CLTB: variants seen among roughly 807,000 people sequenced by gnomAD.
The protein encoded by CLTB is clathrin light chain B.
A neutral mutation model predicts 30.5 loss-of-function variants in CLTB; 10 were observed. That is an observed-to-expected ratio of 0.33 (90% confidence interval 0.20 to 0.56). The LOEUF (loss-of-function observed/expected upper bound fraction) is 0.56, where lower values mean the gene tolerates loss of function less well. Ranked by LOEUF, CLTB falls within the 20% of genes least tolerant of loss-of-function variation. The pLI is 0.91. For missense variants in CLTB, 261 were observed against 308.3 expected, an observed-to-expected ratio of 0.85 and a Z score of 1.15; for synonymous variants, 102 against 120.3, an observed-to-expected ratio of 0.85 and a Z score of 1.00.
intron 2 of CLTB, among the ~76,000 whole-genome samples, chr5:176,405,222 G>A (rs934493160): frequency 6.6e-6 from 1 of 152,104 alleles, no homozygotes; most frequent in African/African-American, 2.4e-5. Flanking sequence ...AGGTGCAGCG[G>A]CTCACACCTG....
Position 176,393,010 on chromosome 5 carries a change from A to G in CLTB, c.519-65T>C. The G allele has an allele frequency of 6.3e-7, 1 of 1,590,576 alleles. No individual in the cohort carries two copies. Among genetic ancestry groups the G allele is most frequent in the Non-Finnish European group, 8.6e-7 (1 of 1,160,866 alleles). ...TTTCCCCCAGCCTTGCCCTTGAGCA[A>G]GGCTGCTTTGCCCAGCCTACTCTGG... On this transcript the variant is annotated intron_variant, in intron 5 of 5. Coordinates refer to ENST00000310418, the MANE Select transcript of CLTB (RefSeq NM_007097.5). The surrounding 1 kb of genome is among the most constrained non-coding windows in gnomAD (Gnocchi z 4.4).
At chr5:176,396,617 A>G (rs1388410617) in intron 4 of CLTB, 85 bp from the exon 5 acceptor site, 1 of 960,556 alleles carries the variant, frequency 1.0e-6, no homozygotes, top group Non-Finnish European at 1.7e-6. Flanking sequence ...AGAGAGAGAG[A>G]GAGAGACAGC....
At chr5:176,405,959 G>T in intron 2 of CLTB, 1 of 166,316 alleles carries the variant, frequency 6.0e-6, no homozygotes, top group Non-Finnish European at 1.2e-5. Flanking sequence ...TTCCGGTGTG[G>T]CAGGGCCCCA....
intron 1 of CLTB, among the ~76,000 whole-genome samples, chr5:176,415,056 T>C (rs1489404856): frequency 6.6e-6 from 1 of 152,238 alleles, no homozygotes; most frequent in Non-Finnish European, 1.5e-5. Context: ...AAACCTGTTT[T>C]GGATGTACCC....
chr5:176,399,722 C>T (rs1426163108), intron 2 of CLTB, among the ~76,000 whole-genome samples: 3 of 151,800 alleles, frequency 2.0e-5, no homozygotes, highest in South Asian at 2.1e-4. Flanking sequence ...GGCGAAACCC[C>T]GTCTCTACTA....
At chr5:176,413,024 A>G (rs1308070442) in intron 1 of CLTB, among the ~76,000 whole-genome samples, 1 of 152,092 alleles carries the variant, frequency 6.6e-6, no homozygotes, top group East Asian at 1.9e-4. Context: ...GTCTACCCTG[A>G]CCTTCAGAAA....
intron 2 of CLTB, 140 bp downstream of exon 2, chr5:176,410,117 C>A: frequency 1.4e-6 from 1 of 722,950 alleles, no homozygotes; most frequent in East Asian, 2.7e-5. Flanking sequence ...TTCCAAAAAC[C>A]TTTCTCTATG....
intron 1 of CLTB, 58 bp downstream of exon 1, chr5:176,416,119 G>A (rs1023520699): frequency 5.6e-6 from 8 of 1,425,724 alleles, no homozygotes; most frequent in Admixed American, 3.2e-5. Flanking sequence ...CCTGGGCCCC[G>A]GCCGGGGTCC....
intron 1 of CLTB, among the ~76,000 whole-genome samples, chr5:176,414,756 G>C (rs1231465817): frequency 6.6e-6 from 1 of 152,164 alleles, no homozygotes; most frequent in African/African-American, 2.4e-5. Flanking sequence ...AAGATACTCA[G>C]ATTCTCTGGG....
intron 2 of CLTB, among the ~76,000 whole-genome samples, chr5:176,408,931 A>G (rs911097190): frequency 1.0e-4 from 15 of 150,260 alleles, no homozygotes; most frequent in African/African-American, 3.2e-4. Flanking sequence ...GGGGCTAACC[A>G]TTGTTAACAG....
rs1368169023 is a variant in CLTB, at chr5:176,416,220, G to A, written c.144C>T (p.Ala48=). 4 of 1,598,384 alleles carry A rather than the reference G, an allele frequency of 2.5e-6. No individual in the cohort carries two copies. Among genetic ancestry groups the A allele is most frequent in the South Asian group, 2.2e-5 (2 of 89,854 alleles). ...IENDEGFGAP[A]GSHAAPAQPG... ...GCTGCGCGGGGGCCGCATGGCTGCC[G>A]GCAGGTGCCCCGAAGCCCTCGTCGT... is the stretch of plus-strand genomic sequence containing the variant. Residue 48 remains alanine, a synonymous_variant, in exon 1 of 6, where the codon GCC becomes GCT. Coordinates refer to ENST00000310418, the MANE Select transcript of CLTB (RefSeq NM_007097.5).
chr5:176,401,450 G>GT (rs1357489920), intron 2 of CLTB, among the ~76,000 whole-genome samples: 3 of 152,208 alleles, frequency 2.0e-5, no homozygotes, highest in Non-Finnish European at 4.4e-5. Context: ...CCATGTGGGT[G>GT]TTTTGACAGG....
chr5:176,407,042 A>T (rs1581440597), intron 2 of CLTB, among the ~76,000 whole-genome samples: 1 of 152,292 alleles, frequency 6.6e-6, no homozygotes, highest in East Asian at 1.9e-4. Context: ...TATGATTTAC[A>T]AATAAACACA....
intron 1 of CLTB, 75 bp from the exon 2 acceptor site, chr5:176,410,378 C>T (rs1419573708): frequency 1.6e-6 from 2 of 1,283,626 alleles, no homozygotes; most frequent in East Asian, 4.8e-5. Flanking sequence ...TACATTAGCC[C>T]CTCAACCCAA....
intron 1 of CLTB, among the ~76,000 whole-genome samples, chr5:176,413,101 A>G (rs933595328): frequency 6.6e-6 from 1 of 152,096 alleles, no homozygotes; most frequent in African/African-American, 2.4e-5. Context: ...AAGAGTCCAC[A>G]CACACCTACA....
intron 2 of CLTB, among the ~76,000 whole-genome samples, chr5:176,402,097 G>A (rs1756850540): frequency 6.6e-6 from 1 of 152,200 alleles, no homozygotes; most frequent in South Asian, 2.1e-4. Context: ...GAGCTCAGGA[G>A]TTCGAGACCA....
chr5:176,394,552 T>C (rs1446078991), intron 5 of CLTB, among the ~76,000 whole-genome samples: 2 of 151,824 alleles, frequency 1.3e-5, no homozygotes, highest in Non-Finnish European at 2.9e-5. Context: ...GCGCGGTGGC[T>C]CATGCCTGTA....
chr5:176,412,154 C>T (rs113848968), intron 1 of CLTB, among the ~76,000 whole-genome samples: 6,691 of 139,450 alleles, frequency 0.048, 517 homozygotes, highest in African/African-American at 0.17. Flanking sequence ...CCAGCCTGGG[C>T]GACAGAGTGA....
chr5:176,394,842 T>C (rs534283208), intron 5 of CLTB, among the ~76,000 whole-genome samples: 120 of 151,080 alleles, frequency 7.9e-4, no homozygotes, highest in African/African-American at 2.8e-3. Context: ...TGAGAAGCCC[T>C]GGTCTATACT....
Sources: allele counts gnomAD v4.1 joint callset (sites outside exome capture counted in the v4.1 genomes callset), GRCh38; gene constraint gnomAD v4.1.1; non-coding constraint Gnocchi (gnomAD v3.1); transcripts MANE v1.5; gene names NCBI Gene and HGNC (gene_info 2026-07-23, HGNC 2026-07-21).